RANBP2: variants seen among roughly 807,000 people sequenced by gnomAD.
RANBP2 encodes the protein E3 SUMO-protein ligase RanBP2.
A neutral mutation model predicts 303.6 loss-of-function variants in RANBP2; 57 were observed. The observed-to-expected ratio is 0.19, with a 90% CI of 0.15 to 0.23. The LOEUF (loss-of-function observed/expected upper bound fraction) is 0.23, where lower values mean the gene tolerates loss of function less well. Ranked by LOEUF, RANBP2 falls within the 10% of genes least tolerant of loss-of-function variation. The pLI is 1.00. For synonymous variants in RANBP2, 1,167 were observed against 1,301.5 expected (o/e 0.90, Z 2.23); for missense variants, 3,138 against 3,780.8 (o/e 0.83, Z 4.46).
the RANBP2 span, among the ~76,000 whole-genome samples, chr2:109,551,646 T>A: frequency 6.6e-6 from 1 of 152,200 alleles, no homozygotes; most frequent in African/African-American, 2.4e-5. Flanking sequence ...TTGTTTGAAC[T>A]TTTTCCAAAT....
rs746121307 is a variant in RANBP2 at position 108,762,204 on chromosome 2, G to A, written c.2697+9G>A. On this transcript the variant is annotated intron_variant, in intron 19 of 28. Transcript: ENST00000283195. ...ATGTTACTCCCACAAAGGTAACAAA[G>A]GAATAATTTATACATTTATAATTAT... 10 of 1,568,576 alleles carry A rather than the reference G, an allele frequency of 6.4e-6. No homozygotes were observed. In the Admixed American group the frequency reaches 1.1e-4, roughly 17 times the overall value.
chr2:109,416,396 A>G, the RANBP2 span, among the ~76,000 whole-genome samples: 2 of 151,966 alleles, frequency 1.3e-5, no homozygotes, highest in African/African-American at 4.8e-5. Flanking sequence ...GGAGTTCAAG[A>G]CTAGCCTGGC....
intron 1 of RANBP2, among the ~76,000 whole-genome samples, chr2:108,727,862 G>A (rs929342722): frequency 2.0e-5 from 3 of 152,058 alleles, no homozygotes; most frequent in South Asian, 2.1e-4. Context: ...CTCGGTCTCC[G>A]AAAGTGCTGG....
At chr2:108,904,372 A>G in the RANBP2 span, among the ~76,000 whole-genome samples, 2,228 of 152,328 alleles carry the variant, frequency 0.015, 37 homozygotes, top group Non-Finnish European at 0.021. Context: ...GGAATGTAAA[A>G]TGGTACAATA....
chr2:109,097,080 C>T, the RANBP2 span, among the ~76,000 whole-genome samples: 11 of 152,048 alleles, frequency 7.2e-5, no homozygotes, highest in East Asian at 1.9e-4. Context: ...CCGAGGTGGG[C>T]GGATCATGAG....
chr2:109,498,325 CT>C, the RANBP2 span, among the ~76,000 whole-genome samples: 1 of 152,202 alleles, frequency 6.6e-6, no homozygotes, highest in African/African-American at 2.4e-5. Flanking sequence ...AGTAGGAACA[CT>C]GCACCCCCAA....
chr2:109,718,449 A>C, the RANBP2 span, among the ~76,000 whole-genome samples: 8 of 152,246 alleles, frequency 5.3e-5, no homozygotes, highest in African/African-American at 1.9e-4. Context: ...ATGTGAAGTG[A>C]AAGAAGCCAG....
At chr2:109,719,694 C>T in the RANBP2 span, among the ~76,000 whole-genome samples, 1 of 152,036 alleles carries the variant, frequency 6.6e-6, no homozygotes. Context: ...TGCTAGCCAC[C>T]ACGCCTGGCC....
At chr2:109,691,346 C>G in the RANBP2 span, among the ~76,000 whole-genome samples, 4 of 152,082 alleles carry the variant, frequency 2.6e-5, no homozygotes, top group Non-Finnish European at 5.9e-5. Context: ...ACAGAGCAAC[C>G]CAGAGCCACA....
chr2:109,710,314 G>A, the RANBP2 span, among the ~76,000 whole-genome samples: 1 of 151,834 alleles, frequency 6.6e-6, no homozygotes, highest in East Asian at 1.9e-4. Context: ...CCCAGGAGGC[G>A]GAGGTTGCAG....
At chr2:108,845,676 A>G in the RANBP2 span, among the ~76,000 whole-genome samples, 9 of 148,636 alleles carry the variant, frequency 6.1e-5, no homozygotes, top group Non-Finnish European at 1.2e-4. Flanking sequence ...TGTTCACACC[A>G]TTCTCCTGTC....
the RANBP2 span, among the ~76,000 whole-genome samples, chr2:109,157,100 C>G: frequency 2.0e-5 from 3 of 152,172 alleles, no homozygotes; most frequent in African/African-American, 7.2e-5. Flanking sequence ...AGGCTCATAG[C>G]ACCCCACAGG....
the RANBP2 span, among the ~76,000 whole-genome samples, chr2:109,122,590 C>T: frequency 6.6e-6 from 1 of 152,152 alleles, no homozygotes. Context: ...GTAATTTAGG[C>T]CAGCTGTGGT....
chr2:108,937,202 C>G, the RANBP2 span, among the ~76,000 whole-genome samples: 2 of 152,226 alleles, frequency 1.3e-5, no homozygotes, highest in African/African-American at 4.8e-5. Flanking sequence ...AGCCACTCTT[C>G]TTTATCACTG....
At chr2:109,501,806 C>T in the RANBP2 span, 2 of 612,566 alleles carry the variant, frequency 3.3e-6, no homozygotes, top group Non-Finnish European at 5.8e-6. Context: ...TACCCTGGCC[C>T]AGGGTGGGGG....
chr2:109,490,640 C>A, the RANBP2 span: 2 of 1,493,024 alleles, frequency 1.3e-6, no homozygotes, highest in Admixed American at 2.2e-5. Flanking sequence ...AGCTTCTAGC[C>A]GGAGCATCCA....
chr2:109,631,765 A>C, the RANBP2 span, among the ~76,000 whole-genome samples: 6,238 of 150,394 alleles, frequency 0.041, 135 homozygotes, highest in South Asian at 0.077. Context: ...TAAAAAAAAA[A>C]GAAAAAGAAA....
the RANBP2 span, among the ~76,000 whole-genome samples, chr2:109,135,157 C>A: frequency 6.6e-6 from 1 of 152,224 alleles, no homozygotes; most frequent in Admixed American, 6.5e-5. Context: ...TCCCCTTGTA[C>A]TTAGTCTCCA....
the RANBP2 span, chr2:109,667,082 C>A: frequency 1.3e-6 from 1 of 785,456 alleles, no homozygotes. Flanking sequence ...TTCAAATACA[C>A]ATAGATCATA....
Sources: gnomAD v4.1 joint callset for allele counts (sites outside exome capture counted in the v4.1 genomes callset) on GRCh38, gnomAD v4.1.1 for gene constraint, MANE v1.5 for transcripts, NCBI Gene and HGNC (gene_info 2026-07-23, HGNC 2026-07-21) for gene names.